Variants in NRXN1 observed in about 807,000 individuals in gnomAD.
NRXN1 encodes neurexin-1.
A neutral mutation model predicts 150.9 loss-of-function variants in NRXN1; 39 were observed. The ratio of observed to expected loss-of-function variants is 0.26; its 90% CI spans 0.20 to 0.34. The LOEUF (loss-of-function observed/expected upper bound fraction) is 0.34, where lower values mean the gene tolerates loss of function less well. NRXN1 is among the 10% of genes least tolerant of loss of function. The pLI, the probability that NRXN1 is intolerant of heterozygous loss-of-function variation, is 1.00. For synonymous variants in NRXN1, 924 were observed against 757.0 expected (o/e 1.22, Z -3.62); for missense variants, 1,815 against 1,949.9 (o/e 0.93, Z 1.30).
chr2:50,384,962 C>G (rs574392836), intron 17 of NRXN1, among the ~76,000 whole-genome samples: 1 of 152,272 alleles, frequency 6.6e-6, no homozygotes, highest in South Asian at 2.1e-4. Context: ...TGAGCCACCT[C>G]CTAACTTCAG....
chr2:50,497,709 T>A lies in NRXN1; in HGVS notation c.2503A>T (p.Met835Leu), dbSNP rs1314028063. The part of the protein sequence containing the change: ...VDDQQAMTGQ[M>L]AGDHTRLEFH... ...TCCAGCCTAGTATGATCACCTGCCA[T>A]TTGACCTAAAAGAGAAGATAATATA... is the stretch of plus-strand genomic sequence containing the variant. The change falls in exon 14 of 23, where the codon ATG becomes TTG. Residue 835 changes from methionine (M) to leucine (L), a missense_variant. This residue lies in a region of NRXN1 where 638 missense variants were observed against 652.6 expected (regional missense o/e 0.98). Transcript: ENST00000401669. The A allele has an allele frequency of 6.2e-7, 1 of 1,607,434 alleles. No homozygotes were observed. The highest frequency in any genetic ancestry group is 8.5e-7 in the Non-Finnish European group (1 of 1,175,726).
chr2:50,475,503 TA>T (rs1373554321), intron 15 of NRXN1, among the ~76,000 whole-genome samples: 1 of 152,140 alleles, frequency 6.6e-6, no homozygotes, highest in East Asian at 1.9e-4. Context: ...GTTTTTCTAT[TA>T]AAAAACTTAC....
At chr2:49,972,316 G>A (rs1252266544) in intron 21 of NRXN1, among the ~76,000 whole-genome samples, 2 of 152,080 alleles carry the variant, frequency 1.3e-5, no homozygotes, top group Non-Finnish European at 2.9e-5. Context: ...TTTGAACTGG[G>A]TATTGGTCAG....
chr2:50,151,246 C>T (rs2058678409), intron 18 of NRXN1, among the ~76,000 whole-genome samples: 1 of 151,682 alleles, frequency 6.6e-6, no homozygotes, highest in South Asian at 2.1e-4. Context: ...GCCAATAAAT[C>T]TCCCCCTTTG....
Position 50,506,708 on chromosome 2 carries a change from A to G in NRXN1, c.2375-91T>C, listed in dbSNP as rs962932574. On this transcript the variant is annotated intron_variant, in intron 12 of 22. Transcript: ENST00000401669. ...GAGTGAGAGAAAGAGACAAGGGGGG[A>G]AGGTGAGGGAGAGAGAGGAGAGAAA... The G allele has an allele frequency of 2.3e-6, 3 of 1,292,164 alleles. No individual in the cohort carries two copies. The African/African-American group carries it at 4.4e-5, about 19-fold the overall frequency. 80.0% of individuals were successfully genotyped at this position (1,292,164 alleles called of 1,614,324 possible).
At chr2:50,506,012 T>A (rs1207673371) in intron 13 of NRXN1, among the ~76,000 whole-genome samples, 1 of 152,154 alleles carries the variant, frequency 6.6e-6, no homozygotes, top group African/African-American at 2.4e-5. Flanking sequence ...TTTAACCAAC[T>A]GAGCTGAGTG....
chr2:50,448,609 C>A (rs574006958), intron 17 of NRXN1, among the ~76,000 whole-genome samples: 1 of 152,178 alleles, frequency 6.6e-6, no homozygotes, highest in Non-Finnish European at 1.5e-5. Context: ...AATTTTATGA[C>A]ACTTTTTACT....
intron 5 of NRXN1, among the ~76,000 whole-genome samples, chr2:50,681,078 C>A (rs1477289533): frequency 6.6e-6 from 1 of 152,166 alleles, no homozygotes; most frequent in Admixed American, 6.5e-5. Flanking sequence ...CTACCAACAG[C>A]CAAGACATTA....
intron 5 of NRXN1, among the ~76,000 whole-genome samples, chr2:50,876,319 T>C (rs769031478): frequency 9.9e-5 from 15 of 151,520 alleles, no homozygotes; most frequent in Non-Finnish European, 1.9e-4. Flanking sequence ...ACCATTATCA[T>C]GATGAAAAAT....
rs4404319 is a variant in NRXN1, at chr2:49,997,874, T to C, written c.4129-54083A>G. ...GCCGGGGTGCAAGGGAGACTTCACA[T>C]AGGGAAAGGAGGCAAGGAAGGCTTA... On this transcript the variant is annotated intron_variant, in intron 21 of 22. Transcript: ENST00000401669. 7.9e-4 allele frequency among the ~76,000 whole-genome samples: 120 copies of C among 151,906 alleles called. 2 individuals are homozygous for C. Among genetic ancestry groups the C allele is most frequent in the African/African-American group, 2.8e-3 (114 of 41,430 alleles).
At chr2:50,202,480 T>A (rs989013852) in intron 18 of NRXN1, among the ~76,000 whole-genome samples, 1 of 151,946 alleles carries the variant, frequency 6.6e-6, no homozygotes, top group Non-Finnish European at 1.5e-5. Context: ...CATTCCAGCC[T>A]GGGCAACAGA....
intron 2 of NRXN1, among the ~76,000 whole-genome samples, chr2:50,927,315 A>G (rs1687055288): frequency 2.0e-5 from 3 of 152,050 alleles, no homozygotes; most frequent in African/African-American, 7.2e-5. Context: ...ACACAGGCAC[A>G]TCTACTGATG....
intron 18 of NRXN1, among the ~76,000 whole-genome samples, chr2:50,094,588 C>T (rs1296650203): frequency 6.6e-6 from 1 of 151,968 alleles, no homozygotes; most frequent in Non-Finnish European, 1.5e-5. Flanking sequence ...CTTGCTGATG[C>T]CCAGTGGCCA....
At chr2:50,827,301 A>C (rs1670592442) in intron 5 of NRXN1, among the ~76,000 whole-genome samples, 1 of 152,242 alleles carries the variant, frequency 6.6e-6, no homozygotes. Context: ...TGAATATCAC[A>C]ATATAGAATT....
At chr2:50,023,910 T>C (rs572454665) in intron 21 of NRXN1, 30 of 152,348 alleles carry the variant, frequency 2.0e-4, no homozygotes, top group African/African-American at 7.0e-4. Flanking sequence ...ATTATTAACA[T>C]TATCTGCCAT....
At chr2:49,954,544 C>T (rs181124803) in intron 21 of NRXN1, among the ~76,000 whole-genome samples, 17 of 152,044 alleles carry the variant, frequency 1.1e-4, no homozygotes, top group African/African-American at 4.1e-4. Flanking sequence ...GACCACTTAG[C>T]AAACAATGCT....
At chr2:50,395,264 G>A (rs548415428) in intron 17 of NRXN1, among the ~76,000 whole-genome samples, 9 of 151,672 alleles carry the variant, frequency 5.9e-5, no homozygotes, top group African/African-American at 1.9e-4. Flanking sequence ...TAAAGACTAC[G>A]AGATTGAAAT....
At chr2:50,881,141 A>G (rs1354739303) in intron 5 of NRXN1, among the ~76,000 whole-genome samples, 1 of 151,948 alleles carries the variant, frequency 6.6e-6, no homozygotes, top group Non-Finnish European at 1.5e-5. Flanking sequence ...TATTTTCCTA[A>G]AAGATGTGCA....
chr2:50,691,759 T>G (rs1173689512), intron 5 of NRXN1, among the ~76,000 whole-genome samples: 1 of 152,094 alleles, frequency 6.6e-6, no homozygotes, highest in African/African-American at 2.4e-5. Flanking sequence ...AGTCTTCTTG[T>G]GGCCATAACA....
Sources: allele counts gnomAD v4.1 joint callset (sites outside exome capture counted in the v4.1 genomes callset), GRCh38; gene constraint gnomAD v4.1.1; regional missense constraint gnomAD v4.1.1; transcripts MANE v1.5; gene names NCBI Gene and HGNC (gene_info 2026-07-23, HGNC 2026-07-21).